The following GABBR2 variants were observed in gnomAD, a reference collection of about 807,000 sequenced individuals.
GABBR2 encodes the protein G-protein coupled receptor 51.
GABBR2 carries 23 observed loss-of-function variants against 105.6 expected under a neutral mutation model. The ratio of observed to expected loss-of-function variants is 0.22; its 90% confidence interval spans 0.16 to 0.31. GABBR2 has a LOEUF of 0.31. GABBR2 is among the 10% of genes least tolerant of loss of function. GABBR2 has a pLI of 1.00. For missense variants in GABBR2, 734 were observed against 1,245.5 expected, an observed-to-expected ratio of 0.59 and a Z score of 6.18; for synonymous variants, 478 against 499.7, an observed-to-expected ratio of 0.96 and a Z score of 0.58.
At chr9:98,575,383 G>A (rs1284759221) in intron 2 of GABBR2, among the ~76,000 whole-genome samples, 1 of 152,150 alleles carries the variant, frequency 6.6e-6, no homozygotes, top group African/African-American at 2.4e-5. Context: ...GGAATGACAA[G>A]TAATCAGGGG....
chr9:98,388,619 CTG>C lies in GABBR2; in HGVS notation c.1529+233_1529+234del, dbSNP rs113747643. On this transcript the variant is annotated intron_variant, in intron 10 of 18. Coordinates refer to ENST00000259455, the MANE Select transcript of GABBR2 (RefSeq NM_005458.8). The surrounding 1 kb of genome is among the most constrained non-coding windows in gnomAD (Gnocchi z 4.4). Reference sequence around the variant, plus strand: ...TCCTGTGCAACCAGCAGCCTGGCCTCTGTGTGTGTGTGTGTGTGTGTGTGTGT... The same window carrying C: ...TCCTGTGCAACCAGCAGCCTGGCCTCTGTGTGTGTGTGTGTGTGTGTGTGT... Among the ~76,000 whole-genome samples, 10,003 of 144,312 alleles carry C rather than the reference CTG, an allele frequency of 0.069. 338 individuals are homozygous for C. Among genetic ancestry groups the C allele is most frequent in the African/African-American group, 0.083 (3,267 of 39,186 alleles). 94.7% of individuals were successfully genotyped at this position (144,312 alleles called of 152,430 possible).
chr9:98,418,441 G>A (rs118044376), intron 7 of GABBR2, among the ~76,000 whole-genome samples: 4,635 of 152,166 alleles, frequency 0.03, 130 homozygotes, highest in East Asian at 0.15. Flanking sequence ...GGGCTGAGGT[G>A]AGAGGATTGT....
At chr9:98,452,382 C>A (rs1448675949) in intron 7 of GABBR2, among the ~76,000 whole-genome samples, 5 of 152,182 alleles carry the variant, frequency 3.3e-5, no homozygotes, top group African/African-American at 1.2e-4. Context: ...AAATAACTAC[C>A]ACTTTGGTCC....
At chr9:98,537,458 T>C (rs2131735356) in intron 3 of GABBR2, among the ~76,000 whole-genome samples, 1 of 148,816 alleles carries the variant, frequency 6.7e-6, no homozygotes, top group South Asian at 2.1e-4. Flanking sequence ...AACACATACT[T>C]TTTTTTTTTT....
At chr9:98,620,015 C>A (rs1373105450) in intron 1 of GABBR2, among the ~76,000 whole-genome samples, 2 of 152,130 alleles carry the variant, frequency 1.3e-5, no homozygotes, top group African/African-American at 4.8e-5. Context: ...GACTTAACAC[C>A]TGTCTTACAG....
chr9:98,631,673 A>G (rs1829818039), intron 1 of GABBR2, among the ~76,000 whole-genome samples: 1 of 152,172 alleles, frequency 6.6e-6, no homozygotes, highest in Non-Finnish European at 1.5e-5. Context: ...GAGTCCTCTA[A>G]CTCATCTCCC....
chr9:98,515,344 A>G (rs1423444591), intron 3 of GABBR2, among the ~76,000 whole-genome samples: 3 of 152,190 alleles, frequency 2.0e-5, no homozygotes, highest in African/African-American at 4.8e-5. Context: ...AAGCTGGACG[A>G]GCAGTGCGAT....
At chr9:98,371,412 T>C in intron 12 of GABBR2, 52 bp downstream of exon 12, 5 of 973,198 alleles carry the variant, frequency 5.1e-6, no homozygotes, top group Non-Finnish European at 6.6e-6. Context: ...ACTTGCTAGA[T>C]AAATGCTGGG....
At chr9:98,703,564 C>T (rs902822265) in intron 1 of GABBR2, among the ~76,000 whole-genome samples, 3 of 152,132 alleles carry the variant, frequency 2.0e-5, no homozygotes, top group Admixed American at 6.5e-5. Flanking sequence ...ACAATCACAG[C>T]TTACTGTAGC....
chr9:98,420,477 T>C lies in GABBR2; in HGVS notation c.1237-14336A>G, dbSNP rs1009872622. 5.1e-5 allele frequency among the ~76,000 whole-genome samples: 3 copies of C among 58,768 alleles called. No homozygotes were observed. The East Asian group carries it at 2.8e-3, about 54-fold the overall frequency. The allele number at this position is 58,768 out of a possible 152,430, so 38.6% of individuals were successfully genotyped here. A position where few individuals can be genotyped will look rare whatever the true frequency, so the allele number is the denominator to read the frequency against. ...CATGCAAAGAGTGTGTGGCCGGGAATTTACACTTTTTTTGTTGAGTACTGG... is the reference window on the plus strand; with the variant it reads ...CATGCAAAGAGTGTGTGGCCGGGAACTTACACTTTTTTTGTTGAGTACTGG... On this transcript the variant is annotated intron_variant, in intron 7 of 18. Coordinates refer to ENST00000259455, the MANE Select transcript of GABBR2 (RefSeq NM_005458.8).
intron 1 of GABBR2, among the ~76,000 whole-genome samples, chr9:98,590,770 G>A (rs918301161): frequency 3.3e-5 from 5 of 152,226 alleles, no homozygotes; most frequent in African/African-American, 1.2e-4. Flanking sequence ...TTGGCTGGGC[G>A]CCTGAGCTAG....
intron 1 of GABBR2, among the ~76,000 whole-genome samples, chr9:98,608,822 T>C (rs1203090723): frequency 6.6e-6 from 1 of 152,226 alleles, no homozygotes; most frequent in African/African-American, 2.4e-5. Context: ...TGTTCACATA[T>C]TGGCCCTGCT....
At chr9:98,359,797 G>A (rs958019449) in intron 13 of GABBR2, among the ~76,000 whole-genome samples, 1 of 152,200 alleles carries the variant, frequency 6.6e-6, no homozygotes, top group African/African-American at 2.4e-5. Context: ...TGGGCTGTGT[G>A]GAGGCTGGCT....
chr9:98,477,379 AC>A (rs1317980711), intron 5 of GABBR2, among the ~76,000 whole-genome samples: 2 of 152,188 alleles, frequency 1.3e-5, no homozygotes, highest in African/African-American at 2.4e-5. Flanking sequence ...AGCTGAGAAT[AC>A]AGGCAGATGA....
At chr9:98,697,404 T>A (rs908364125) in intron 1 of GABBR2, among the ~76,000 whole-genome samples, 56 of 150,156 alleles carry the variant, frequency 3.7e-4, no homozygotes, top group Admixed American at 1.5e-3. Flanking sequence ...GGCAGGAGAA[T>A]GGCGTGAACA....
At chr9:98,586,614 T>A (rs1207936528) in intron 1 of GABBR2, among the ~76,000 whole-genome samples, 3 of 152,252 alleles carry the variant, frequency 2.0e-5, no homozygotes, top group Non-Finnish European at 4.4e-5. Context: ...TTTGCTTTTC[T>A]TTACAGTTTT....
At chr9:98,487,136 A>G (rs898648549) in intron 4 of GABBR2, among the ~76,000 whole-genome samples, 1 of 152,188 alleles carries the variant, frequency 6.6e-6, no homozygotes, top group Non-Finnish European at 1.5e-5. Flanking sequence ...TAATATATCT[A>G]TGTCGTAAGT....
intron 7 of GABBR2, among the ~76,000 whole-genome samples, chr9:98,434,527 T>C (rs1388717567): frequency 2.0e-5 from 3 of 152,222 alleles, no homozygotes; most frequent in Non-Finnish European, 4.4e-5. Context: ...ACTCCCATCA[T>C]GGCCTATTCA....
chr9:98,382,185 C>G (rs1410297492), intron 11 of GABBR2, among the ~76,000 whole-genome samples: 2 of 152,058 alleles, frequency 1.3e-5, no homozygotes, highest in East Asian at 3.9e-4. Context: ...CAGAGTGGCC[C>G]CCGGGAAGGA....
Sources: allele counts gnomAD v4.1 joint callset (sites outside exome capture counted in the v4.1 genomes callset), GRCh38; gene constraint gnomAD v4.1.1; non-coding constraint Gnocchi (gnomAD v3.1); transcripts MANE v1.5; gene names NCBI Gene and HGNC (gene_info 2026-07-23, HGNC 2026-07-21).